Variants in AP3S2 observed in about 807,000 individuals in gnomAD.
AP3S2 encodes adaptor related protein complex 3 subunit sigma 2.
AP3S2 carries 22 observed loss-of-function variants against 23.4 expected under a neutral mutation model. The observed-to-expected ratio is 0.94, with a 90% CI of 0.67 to 1.34. The LOEUF (loss-of-function observed/expected upper bound fraction) is 1.34. AP3S2 is among the 40% of genes most tolerant of loss of function. AP3S2 has a pLI of 0.00. For missense variants in AP3S2, 241 were observed against 236.9 expected (o/e 1.02, Z -0.11); for synonymous variants, 86 against 87.1 (o/e 0.99, Z 0.07).
intron 4 of AP3S2, chr15:89,838,049 C>G (rs1049853597): frequency 3.7e-6 from 1 of 272,524 alleles, no homozygotes; most frequent in African/African-American, 2.2e-5. Context: ...CTTCAGCCTC[C>G]TTCCAGGATT....
At chr15:89,853,348 T>A (rs1895707307) in intron 4 of AP3S2, among the ~76,000 whole-genome samples, 1 of 152,260 alleles carries the variant, frequency 6.6e-6, no homozygotes, top group African/African-American at 2.4e-5. Flanking sequence ...AATAATTGAA[T>A]GGTGGATATT....
At chr15:89,888,440 A>G in intron 3 of AP3S2, 81 bp downstream of exon 3, 1 of 1,375,946 alleles carries the variant, frequency 7.3e-7, no homozygotes, top group Non-Finnish European at 1.0e-6. Flanking sequence ...GGAGATGGAC[A>G]CAAGGTTCTA....
At chr15:89,869,831 G>C (rs535051600) in intron 4 of AP3S2, among the ~76,000 whole-genome samples, 1 of 151,496 alleles carries the variant, frequency 6.6e-6, no homozygotes, top group Non-Finnish European at 1.5e-5. Flanking sequence ...TCGGCTCACT[G>C]CAACCTCCGC....
chr15:89,841,609 T>C (rs1275078658), intron 4 of AP3S2, among the ~76,000 whole-genome samples: 1 of 152,212 alleles, frequency 6.6e-6, no homozygotes, highest in Non-Finnish European at 1.5e-5. Flanking sequence ...TCTGTGGTAG[T>C]AGAGAAGACA....
intron 4 of AP3S2, among the ~76,000 whole-genome samples, chr15:89,868,603 T>C (rs1458394291): frequency 3.0e-4 from 28 of 94,286 alleles, no homozygotes; most frequent in East Asian, 3.6e-4. Flanking sequence ...CCGCCCCGTC[T>C]GGGAGGTGAG....
At chr15:89,889,366 T>A (rs928991944) in intron 1 of AP3S2, 20 of 532,400 alleles carry the variant, frequency 3.8e-5, no homozygotes, top group African/African-American at 3.1e-4. Context: ...TACCTAAATA[T>A]CTAAGTCACT....
intron 1 of AP3S2, among the ~76,000 whole-genome samples, chr15:89,889,796 G>A (rs1198756252): frequency 6.9e-6 from 1 of 144,642 alleles, no homozygotes; most frequent in Admixed American, 7.1e-5. Flanking sequence ...CCCAGGAAGC[G>A]GAGGTTACAG....
rs1161794743 is a variant in AP3S2 at position 89,888,629 on chromosome 15, C to G, written c.165G>C (p.Leu55Phe). ...NICNFLEGGS[L>F]IGGSDYKLIY... is the part of the protein sequence containing the mutation. ...TCAGTTTGTAGTCAGAGCCACCAAT[C>G]AAACTGCAGAAGATGGGAAACATTT... The change falls in exon 3 of 6, where the codon TTG (leucine) becomes TTC (phenylalanine). Residue 55 changes from leucine (L) to phenylalanine (F), a missense_variant. Leu to Phe is a conservative substitution (Grantham distance 22). Coordinates refer to ENST00000336418, the MANE Select transcript of AP3S2 (RefSeq NM_005829.5). 2.5e-6 allele frequency: 4 copies of G among 1,613,854 alleles called. No homozygotes were observed.
In AP3S2 at chr15:89,837,672, T is replaced by G; in HGVS notation, c.396A>C (p.Thr132=). The G allele has an allele frequency of 1.9e-6, 3 of 1,614,212 alleles. No homozygotes were observed. Among genetic ancestry groups the G allele is most frequent in the Non-Finnish European group, 2.5e-6 (3 of 1,180,030 alleles). Reference sequence around the variant, plus strand: ...TCTGAGCCACGATTTCATTCATGTTTGTTTCCAACACCATCCCACCCATCA... The same window carrying G: ...TCTGAGCCACGATTTCATTCATGTTGGTTTCCAACACCATCCCACCCATCA... ...EVVMGGMVLE[T]NMNEIVAQIE... The change falls in exon 5 of 6, where the codon ACA becomes ACC. Residue 132 remains threonine, a synonymous_variant. Coordinates refer to ENST00000336418, the MANE Select transcript of AP3S2 (RefSeq NM_005829.5).
chr15:89,842,744 C>A (rs1428165889), intron 4 of AP3S2, among the ~76,000 whole-genome samples: 1 of 152,068 alleles, frequency 6.6e-6, no homozygotes, highest in Non-Finnish European at 1.5e-5. Context: ...TCCCAAGTAG[C>A]TGGGACTATA....
chr15:89,893,964 GTTCTCTCAGCACC>G lies in AP3S2; in HGVS notation c.-28_-16del. 6.4e-7 allele frequency: 1 copy of G among 1,551,016 alleles called. No individual in the cohort carries two copies. Among genetic ancestry groups the G allele is most frequent in the Non-Finnish European group, 8.7e-7 (1 of 1,146,908 alleles). ...GCCTGAATCATCTTTGCCAGCCACGGTTCTCTCAGCACCGGCTACTCCCAGAAAGCTCCTCCTT... is the reference window on the plus strand; with the variant it reads ...GCCTGAATCATCTTTGCCAGCCACGGGGCTACTCCCAGAAAGCTCCTCCTT... On this transcript the variant is annotated 5_prime_UTR_variant, in exon 1 of 6. Coordinates refer to ENST00000336418, the MANE Select transcript of AP3S2 (RefSeq NM_005829.5).
At chr15:89,862,893 C>G (rs1896037630) in intron 4 of AP3S2, among the ~76,000 whole-genome samples, 1 of 152,038 alleles carries the variant, frequency 6.6e-6, no homozygotes, top group Non-Finnish European at 1.5e-5. Context: ...ATAGTGTGAG[C>G]ATGAAAATTT....
intron 4 of AP3S2, among the ~76,000 whole-genome samples, chr15:89,860,474 G>A (rs1315721906): frequency 6.6e-6 from 1 of 152,090 alleles, no homozygotes; most frequent in Non-Finnish European, 1.5e-5. Context: ...ATGGATGAGG[G>A]GATGATTCCC....
At chr15:89,888,357 G>A (rs866824125) in intron 3 of AP3S2, among the ~76,000 whole-genome samples, 164 bp downstream of exon 3, 1 of 152,312 alleles carries the variant, frequency 6.6e-6, no homozygotes, top group African/African-American at 2.4e-5. Flanking sequence ...ATCTAAAAGT[G>A]CTGAGGGTTT....
At position 89,866,993 on chromosome 15, in the gene AP3S2, C is replaced by A. The variant is rs1896141938; in HGVS notation, c.345+4482G>T. 2.2e-5 allele frequency among the ~76,000 whole-genome samples: 3 copies of A among 136,138 alleles called. No individual in the cohort carries two copies. The South Asian group carries it at 7.8e-4, about 36-fold the overall frequency. 89.3% of individuals were successfully genotyped at this position (136,138 alleles called of 152,430 possible). ...CTCCCCCTTTTCCCCTCTCCCTCTC[C>A]CTCTCCCTCTCCCCCTACCCCTCCC... On this transcript the variant is annotated intron_variant, in intron 4 of 5. Transcript: ENST00000336418.
chr15:89,862,331 T>C (rs1380460719), intron 4 of AP3S2, among the ~76,000 whole-genome samples: 1 of 152,196 alleles, frequency 6.6e-6, no homozygotes, highest in East Asian at 1.9e-4. Flanking sequence ...ACAATATTTA[T>C]TAATGTTAAA....
intron 1 of AP3S2, among the ~76,000 whole-genome samples, chr15:89,891,570 A>G (rs1896821547): frequency 6.6e-6 from 1 of 152,014 alleles, no homozygotes; most frequent in Admixed American, 6.6e-5. Context: ...GAGGCAGGAG[A>G]ATCACTTGAA....
intron 1 of AP3S2, among the ~76,000 whole-genome samples, chr15:89,890,192 G>A (rs1309050031): frequency 6.6e-6 from 1 of 152,120 alleles, no homozygotes; most frequent in South Asian, 2.1e-4. Context: ...TGAGATTACA[G>A]GTATGTGCCA....
intron 4 of AP3S2, among the ~76,000 whole-genome samples, chr15:89,858,739 A>G (rs1320027522): frequency 6.6e-6 from 1 of 152,230 alleles, no homozygotes; most frequent in Admixed American, 6.5e-5. Flanking sequence ...CATGGGTAAT[A>G]AGCTTTGTTT....
Sources: gnomAD v4.1 joint callset for allele counts (sites outside exome capture counted in the v4.1 genomes callset) on GRCh38, gnomAD v4.1.1 for gene constraint, MANE v1.5 for transcripts, NCBI Gene and HGNC (gene_info 2026-07-23, HGNC 2026-07-21) for gene names.